Variants in MRTO4 observed in about 807,000 individuals in gnomAD.
The protein encoded by MRTO4 is mRNA turnover protein 4 homolog.
A neutral mutation model predicts 28.6 loss-of-function variants in MRTO4; 7 were observed. The ratio of observed to expected loss-of-function variants is 0.24; its 90% CI spans 0.14 to 0.46. The LOEUF is 0.46. MRTO4 is among the 20% of genes least tolerant of loss of function. MRTO4 has a pLI of 0.99. For missense variants in MRTO4, 302 were observed against 298.3 expected, an observed-to-expected ratio of 1.01 and a Z score of -0.09; for synonymous variants, 113 against 108.2, an observed-to-expected ratio of 1.04 and a Z score of -0.27.
intron 2 of MRTO4, 103 bp downstream of exon 2, chr1:19,254,943 G>T: frequency 3.0e-6 from 3 of 996,272 alleles, no homozygotes; most frequent in African/African-American, 2.0e-5. Context: ...GAACATACTA[G>T]TGGGGAAAAA....
chr1:19,254,444 C>T (rs965663461), intron 1 of MRTO4, among the ~76,000 whole-genome samples: 1 of 152,026 alleles, frequency 6.6e-6, no homozygotes, highest in Non-Finnish European at 1.5e-5. Context: ...CAGGTGAGGT[C>T]TGCCACTGAG....
At chr1:19,252,764 C>T (rs2093664325) in intron 1 of MRTO4, among the ~76,000 whole-genome samples, 1 of 152,234 alleles carries the variant, frequency 6.6e-6, no homozygotes, top group Admixed American at 6.5e-5. Flanking sequence ...GATCCTCCCA[C>T]CTCAACCTCC....
chr1:19,256,174 A>G, intron 3 of MRTO4, 123 bp downstream of exon 3: 1 of 767,566 alleles, frequency 1.3e-6, no homozygotes, highest in Non-Finnish European at 2.2e-6. Flanking sequence ...CACCTTAATA[A>G]GGACAAAGTG....
chr1:19,253,510 T>C (rs1032972178), intron 1 of MRTO4, among the ~76,000 whole-genome samples: 3 of 152,156 alleles, frequency 2.0e-5, no homozygotes, highest in African/African-American at 7.2e-5. Flanking sequence ...CCTTTACTTA[T>C]GAAGGGTCAC....
In MRTO4 at chr1:19,257,151, T is replaced by C. The variant is rs1403035707; in HGVS notation, c.273+6T>C. 1.2e-6 allele frequency: 2 copies of C among 1,613,592 alleles called. No individual in the cohort carries two copies. Among genetic ancestry groups the C allele is most frequent in the Admixed American group, 3.3e-5 (2 of 59,940 alleles). On this transcript the variant is annotated splice_donor_region_variant and intron_variant, in intron 4 of 7. Transcript: ENST00000330263. ...ACAAAGACAACCTGCACCAGGTAAG[T>C]CTCTGGCCCTCACGGGGTGGAGCTA...
Position 19,257,529 on chromosome 1 carries a change from C to T in MRTO4, c.341+8C>T. 1 of 1,614,090 alleles carries T rather than the reference C, an allele frequency of 6.2e-7. No individual in the cohort carries two copies. Among genetic ancestry groups the T allele is most frequent in the East Asian group, 2.2e-5 (1 of 44,886 alleles). Reference sequence around the variant, plus strand: ...AAAGGAGGAGGTGAATGAGTAAGTACTGCTGAGGAACGGAGGGAAAGAGGC... The same window carrying T: ...AAAGGAGGAGGTGAATGAGTAAGTATTGCTGAGGAACGGAGGGAAAGAGGC... On this transcript the variant is annotated splice_region_variant and intron_variant, in intron 5 of 7. Transcript: ENST00000330263.
At chr1:19,251,980 T>C (rs1344617576) in intron 1 of MRTO4, 117 bp downstream of exon 1, 3 of 1,353,694 alleles carry the variant, frequency 2.2e-6, no homozygotes, top group Non-Finnish European at 3.0e-6. Flanking sequence ...ATCCTCGAGG[T>C]GTTCCGCTGC....
chr1:19,257,663 C>A, intron 5 of MRTO4, 142 bp downstream of exon 5: 1 of 1,349,352 alleles, frequency 7.4e-7, no homozygotes, highest in Non-Finnish European at 1.0e-6. Context: ...GGCCTGGGAC[C>A]ACAGCCCTCT....
chr1:19,252,333 T>A (rs1184323072), intron 1 of MRTO4: 1 of 183,250 alleles, frequency 5.5e-6, no homozygotes, highest in African/African-American at 2.4e-5. Flanking sequence ...GCCTTCTTAG[T>A]TGTCAGTTAA....
chr1:19,257,133 C>A lies in MRTO4; in HGVS notation c.261C>A (p.Asp87Glu). The change falls in exon 4 of 8, where the codon GAC becomes GAA. Residue 87 changes from aspartate to glutamate, a missense_variant. Transcript: ENST00000330263. ...GGAGCCCATCTGATGAATACAAAGA[C>A]AACCTGCACCAGGTAAGTCTCTGGC... Reference protein sequence around the residue: ...LGRSPSDEYKDNLHQVSKRLR... With the variant: ...LGRSPSDEYKENLHQVSKRLR... 6.2e-7 allele frequency: 1 copy of A among 1,614,122 alleles called. No individual in the cohort carries two copies.
intron 1 of MRTO4, among the ~76,000 whole-genome samples, chr1:19,253,845 AT>A (rs2093667483): frequency 6.6e-6 from 1 of 152,130 alleles, no homozygotes; most frequent in Non-Finnish European, 1.5e-5. Context: ...GAACGATTTG[AT>A]TCTGTGGAGG....
intron 1 of MRTO4, 32 bp downstream of exon 1, chr1:19,251,895 G>C: frequency 6.3e-7 from 1 of 1,583,052 alleles, no homozygotes; most frequent in Non-Finnish European, 8.6e-7. Context: ...ACCCTGGGGG[G>C]AGCTCCGTGG....
chr1:19,257,885 G>A lies in MRTO4; in HGVS notation c.394G>A (p.Ala132Thr), dbSNP rs1254853567. The change falls in exon 6 of 8, where the codon GCT (alanine) becomes ACT (threonine). Residue 132 changes from alanine to threonine, a missense_variant. Ala to Thr is a moderately conservative substitution (Grantham distance 58). Coordinates refer to ENST00000330263, the MANE Select transcript of MRTO4 (RefSeq NM_016183.4). ...CTACGCCCGAGCTGGTAACAAAGCA[G>A]CTTTCACTGTGAGCCTGGATCCAGG... ...MDYARAGNKA[A>T]FTVSLDPGPL... 1.2e-6 allele frequency: 2 copies of A among 1,614,126 alleles called. No individual in the cohort carries two copies. The highest frequency in any genetic ancestry group is 1.7e-6 in the Non-Finnish European group (2 of 1,180,032).
chr1:19,257,672 C>G, intron 5 of MRTO4, 151 bp downstream of exon 5: 1 of 1,345,816 alleles, frequency 7.4e-7, no homozygotes, highest in Admixed American at 1.8e-5. Flanking sequence ...CCACAGCCCT[C>G]TCTGTCCTCT....
rs1385152515 is a variant in MRTO4, at chr1:19,259,876, G to A, written c.*1046G>A. The A allele has an allele frequency of 2.0e-5, 3 of 152,166 alleles. No individual in the cohort carries two copies. Among genetic ancestry groups the A allele is most frequent in the Admixed American group, 2.0e-4 (3 of 15,270 alleles). The allele number at this position is 152,166 out of a possible 1,614,324, so 9.4% of individuals were successfully genotyped here. On this transcript the variant is annotated 3_prime_UTR_variant, in exon 8 of 8. Transcript: ENST00000330263. ...AGGTTTTATCCTTGGTGACTCTAATGGTAGATTTTTGTCCACCTTGTTCTA... is the reference window on the plus strand; with the variant it reads ...AGGTTTTATCCTTGGTGACTCTAATAGTAGATTTTTGTCCACCTTGTTCTA...
At chr1:19,255,900 C>T (rs762953565) in intron 2 of MRTO4, 48 bp from the exon 3 acceptor site, 12 of 1,503,910 alleles carry the variant, frequency 8.0e-6, no homozygotes, top group Middle Eastern at 1.7e-4. Flanking sequence ...GAGTAGTGCC[C>T]GTTGTATGCT....
intron 3 of MRTO4, 102 bp downstream of exon 3, chr1:19,256,153 C>T: frequency 1.1e-6 from 1 of 942,960 alleles, no homozygotes; most frequent in Non-Finnish European, 1.7e-6. Context: ...GTGCCTGGGT[C>T]ATGCCGCTGA....
chr1:19,252,088 T>C (rs1186725159), intron 1 of MRTO4: 2 of 613,400 alleles, frequency 3.3e-6, no homozygotes, highest in Non-Finnish European at 5.5e-6. Context: ...TTTTGCCTAG[T>C]TTCAGGTGCT....
At chr1:19,257,710 G>C (rs2093673598) in intron 5 of MRTO4, 123 bp from the exon 6 acceptor site, 1 of 1,423,638 alleles carries the variant, frequency 7.0e-7, no homozygotes, top group East Asian at 2.3e-5. Context: ...GCTGGCTGCT[G>C]GCCAGCAGCC....
Sources: allele counts gnomAD v4.1 joint callset (sites outside exome capture counted in the v4.1 genomes callset), GRCh38; gene constraint gnomAD v4.1.1; transcripts MANE v1.5; gene names NCBI Gene and HGNC (gene_info 2026-07-23, HGNC 2026-07-21).